PLCB4: variants seen among roughly 807,000 people sequenced by gnomAD.
PLCB4 encodes 1-phosphatidylinositol 4,5-bisphosphate phosphodiesterase beta-4.
Under a neutral mutation model 178.8 loss-of-function variants are expected in PLCB4, and 77 were observed. That is an observed-to-expected ratio of 0.43 (90% CI 0.36 to 0.52). The LOEUF is 0.52. PLCB4 is among the 20% of genes least tolerant of loss of function. The probability of loss-of-function intolerance (pLI) is 0.00; values close to 1 mark genes in which losing one functional copy is unlikely to be tolerated. For synonymous variants in PLCB4, 496 were observed against 490.8 expected, an observed-to-expected ratio of 1.01 and a Z score of -0.14; for missense variants, 1,024 against 1,453.4, an observed-to-expected ratio of 0.70 and a Z score of 4.80.
At chr20:9,217,901 G>A (rs564452314) in intron 3 of PLCB4, among the ~76,000 whole-genome samples, 1 of 152,182 alleles carries the variant, frequency 6.6e-6, no homozygotes, top group South Asian at 2.1e-4. Context: ...AACTACCAGG[G>A]GATGATGTAA....
chr20:9,345,742 C>T (rs2033732453), intron 7 of PLCB4, among the ~76,000 whole-genome samples: 1 of 152,094 alleles, frequency 6.6e-6, no homozygotes, highest in Non-Finnish European at 1.5e-5. Context: ...ATCAAGTCAT[C>T]AAATAAGCAT....
At chr20:9,166,396 G>A (rs1421951563) in intron 2 of PLCB4, 6 of 152,150 alleles carry the variant, frequency 3.9e-5, no homozygotes, top group Admixed American at 3.9e-4. Context: ...TTCGACTTAG[G>A]GTAGTTGAAA....
intron 3 of PLCB4, among the ~76,000 whole-genome samples, chr20:9,301,063 C>T (rs960521468): frequency 6.6e-6 from 1 of 151,496 alleles, no homozygotes; most frequent in Non-Finnish European, 1.5e-5. Flanking sequence ...CTAATCTCTG[C>T]CTCCGTAGTC....
intron 12 of PLCB4, among the ~76,000 whole-genome samples, chr20:9,373,516 C>A (rs1568676881): frequency 6.6e-6 from 1 of 152,120 alleles, no homozygotes; most frequent in Non-Finnish European, 1.5e-5. Context: ...TTATCTCATA[C>A]CTTTGCATGG....
intron 34 of PLCB4, among the ~76,000 whole-genome samples, chr20:9,459,374 A>C (rs1385950983): frequency 6.6e-6 from 1 of 151,956 alleles, no homozygotes; most frequent in Non-Finnish European, 1.5e-5. Context: ...AAAAAACAAA[A>C]CAGAGTGTTG....
chr20:9,392,375 G>A (rs1173690569), intron 17 of PLCB4, among the ~76,000 whole-genome samples: 1 of 152,180 alleles, frequency 6.6e-6, no homozygotes, highest in Non-Finnish European at 1.5e-5. Flanking sequence ...GTTTCCATTG[G>A]TTACTTGGTG....
chr20:9,302,017 G>T (rs1467859380), intron 3 of PLCB4, among the ~76,000 whole-genome samples: 2 of 152,078 alleles, frequency 1.3e-5, no homozygotes, highest in African/African-American at 4.8e-5. Context: ...CAAAGAGAAG[G>T]TGGATCCTTT....
intron 21 of PLCB4, 79 bp downstream of exon 21, chr20:9,405,427 G>A: frequency 2.4e-6 from 2 of 829,132 alleles, no homozygotes; most frequent in Non-Finnish European, 3.8e-6. Context: ...AATCAGTTGT[G>A]GTGAAAAAAT....
At chr20:9,371,583 A>C (rs1315575109) in intron 10 of PLCB4, among the ~76,000 whole-genome samples, 1 of 152,244 alleles carries the variant, frequency 6.6e-6, no homozygotes, top group Admixed American at 6.5e-5. Flanking sequence ...CACCTTTCTT[A>C]AGAAAAGGAA....
chr20:9,233,477 A>G (rs2093956592), intron 3 of PLCB4, among the ~76,000 whole-genome samples: 1 of 152,174 alleles, frequency 6.6e-6, no homozygotes, highest in African/African-American at 2.4e-5. Flanking sequence ...AATTTCATGT[A>G]GTGATAAACA....
intron 2 of PLCB4, among the ~76,000 whole-genome samples, chr20:9,198,101 CTG>C (rs1288284974): frequency 1.3e-5 from 2 of 152,294 alleles, no homozygotes; most frequent in African/African-American, 4.8e-5. Context: ...AACTGAATTC[CTG>C]TGGTAAACAT....
At chr20:9,316,232 C>T (rs1194690196) in intron 4 of PLCB4, among the ~76,000 whole-genome samples, 1 of 152,094 alleles carries the variant, frequency 6.6e-6, no homozygotes, top group Non-Finnish European at 1.5e-5. Context: ...AGGCCCATCC[C>T]ACGGACCTAT....
At chr20:9,205,681 A>C (rs2093606823) in intron 2 of PLCB4, among the ~76,000 whole-genome samples, 1 of 152,164 alleles carries the variant, frequency 6.6e-6, no homozygotes, top group South Asian at 2.1e-4. Flanking sequence ...AGTTCTATGC[A>C]ATTTAATCAC....
intron 2 of PLCB4, among the ~76,000 whole-genome samples, chr20:9,127,531 C>T: frequency 6.6e-6 from 1 of 151,972 alleles, no homozygotes; most frequent in East Asian, 1.9e-4. Context: ...TTCCTTGGGC[C>T]TCTCTTTGAA....
chr20:9,229,850 TC>T (rs1489303872), intron 3 of PLCB4, among the ~76,000 whole-genome samples: 10 of 151,958 alleles, frequency 6.6e-5, no homozygotes, highest in Admixed American at 6.6e-4. Flanking sequence ...ATGCTCTCCC[TC>T]CCCCTACTTC....
chr20:9,338,200 G>A lies in PLCB4; in HGVS notation c.225+133G>A, dbSNP rs34265063. ...ACATTTGATCTCAGTTTTGAGAATAGCATGTGGTTGCTGGTTGTGGTAATG... is the reference window on the plus strand; with the variant it reads ...ACATTTGATCTCAGTTTTGAGAATAACATGTGGTTGCTGGTTGTGGTAATG... On this transcript the variant is annotated intron_variant, in intron 6 of 39. Transcript: ENST00000378473. The A allele has an allele frequency of 0.062, 40,072 of 648,730 alleles. 1,407 individuals are homozygous for A. The highest frequency in any genetic ancestry group is 0.11 in the Middle Eastern group (319 of 3,028). 40.2% of individuals were successfully genotyped at this position (648,730 alleles called of 1,614,324 possible).
chr20:9,132,876 C>T (rs1362400959), intron 2 of PLCB4, among the ~76,000 whole-genome samples: 2 of 152,124 alleles, frequency 1.3e-5, no homozygotes, highest in African/African-American at 4.8e-5. Flanking sequence ...TATACTTGGG[C>T]ACTACTGTAC....
At chr20:9,308,623 T>G (rs1431079420) in intron 4 of PLCB4, among the ~76,000 whole-genome samples, 1 of 152,212 alleles carries the variant, frequency 6.6e-6, no homozygotes, top group African/African-American at 2.4e-5. Context: ...CAGAGTTGGT[T>G]CCTTTCAAAA....
At chr20:9,125,665 G>A (rs1420575746) in intron 2 of PLCB4, among the ~76,000 whole-genome samples, 2 of 152,068 alleles carry the variant, frequency 1.3e-5, no homozygotes, top group Admixed American at 6.6e-5. Context: ...AGAAACTAGA[G>A]ACCAACATAA....
Sources: gnomAD v4.1 joint callset for allele counts (sites outside exome capture counted in the v4.1 genomes callset) on GRCh38, gnomAD v4.1.1 for gene constraint, MANE v1.5 for transcripts, NCBI Gene and HGNC (gene_info 2026-07-23, HGNC 2026-07-21) for gene names.